CNTNAP2: variants seen among roughly 807,000 people sequenced by gnomAD.
The protein encoded by CNTNAP2 is contactin associated protein 2, also known as contactin-associated protein-like 2.
CNTNAP2 carries 98 observed loss-of-function variants against 155.2 expected under a neutral mutation model. The observed-to-expected ratio is 0.63, with a 90% confidence interval of 0.54 to 0.75. The LOEUF (loss-of-function observed/expected upper bound fraction) is 0.75, where lower values mean the gene tolerates loss of function less well. Ranked by LOEUF, CNTNAP2 falls within the 30% of genes least tolerant of loss-of-function variation. The probability of loss-of-function intolerance (pLI) is 0.00; values close to 1 mark genes in which losing one functional copy is unlikely to be tolerated. For missense variants in CNTNAP2, 1,727 were observed against 1,688.1 expected (o/e 1.02, Z -0.40); for synonymous variants, 651 against 631.2 (o/e 1.03, Z -0.47).
intron 1 of CNTNAP2, among the ~76,000 whole-genome samples, chr7:146,608,806 T>A (rs1799088178): frequency 6.6e-6 from 1 of 152,172 alleles, no homozygotes; most frequent in African/African-American, 2.4e-5. Context: ...GGGGATGATC[T>A]CCCTTTTTTC....
At chr7:146,754,443 CAT>C (rs967833570) in intron 1 of CNTNAP2, among the ~76,000 whole-genome samples, 3 of 151,972 alleles carry the variant, frequency 2.0e-5, no homozygotes, top group African/African-American at 7.2e-5. Flanking sequence ...AGAACAAAAA[CAT>C]GTGTCAGCTG....
chr7:147,708,866 A>G (rs1796358323), intron 13 of CNTNAP2, among the ~76,000 whole-genome samples: 1 of 152,176 alleles, frequency 6.6e-6, no homozygotes, highest in African/African-American at 2.4e-5. Context: ...TTCTCTGTGT[A>G]AGAGACACGT....
chr7:147,755,503 A>C (rs1251077111), intron 13 of CNTNAP2, among the ~76,000 whole-genome samples: 1 of 152,120 alleles, frequency 6.6e-6, no homozygotes. Context: ...AAATACAAAA[A>C]TTAGCCAGGC....
intron 15 of CNTNAP2, among the ~76,000 whole-genome samples, chr7:147,999,657 A>G (rs544424249): frequency 1.1e-4 from 17 of 152,292 alleles, no homozygotes; most frequent in African/African-American, 4.1e-4. Flanking sequence ...GATATAATCA[A>G]GTCAAGATGA....
In CNTNAP2 at chr7:147,890,296, T is replaced by A. The variant is rs188801171; in HGVS notation, c.2099-13269T>A. Among the ~76,000 whole-genome samples, 333 of 152,304 alleles carry A rather than the reference T, an allele frequency of 2.2e-3. 1 individual carries two copies. The highest frequency in any genetic ancestry group is 7.6e-3 in the African/African-American group (318 of 41,570). ...TATTTTGATAGAATTTATAGTCTTA[T>A]GTGTATAGTAAAAGCTTAGAAAGGC... is the stretch of plus-strand genomic sequence containing the variant. On this transcript the variant is annotated intron_variant, in intron 13 of 23. Coordinates refer to ENST00000361727, the MANE Select transcript of CNTNAP2 (RefSeq NM_014141.6).
At chr7:146,486,044 G>GTT (rs1797050994) in intron 1 of CNTNAP2, among the ~76,000 whole-genome samples, 2 of 91,722 alleles carry the variant, frequency 2.2e-5, no homozygotes, top group Admixed American at 2.9e-4. Context: ...ACCCACAGCA[G>GTT]TCTTTTTTTT....
At chr7:147,600,518 ATAT>A (rs1800923352) in intron 12 of CNTNAP2, among the ~76,000 whole-genome samples, 1 of 152,208 alleles carries the variant, frequency 6.6e-6, no homozygotes, top group Non-Finnish European at 1.5e-5. Context: ...GTATTGTGAA[ATAT>A]TATTCTTCCT....
In CNTNAP2 at chr7:147,182,544, A is replaced by T. The variant is rs189474886; in HGVS notation, c.1348+50035A>T. On this transcript the variant is annotated intron_variant, in intron 8 of 23. Coordinates refer to ENST00000361727, the MANE Select transcript of CNTNAP2 (RefSeq NM_014141.6). ...ATTTGATTTGCAGTCCTTTCCAAAT[A>T]TTTAAATTTCCATATTTACTCTCTA... Among the ~76,000 whole-genome samples, 517 of 152,196 alleles carry T rather than the reference A, an allele frequency of 3.4e-3. 3 individuals carry two copies. Among genetic ancestry groups the T allele is most frequent in the Non-Finnish European group, 4.3e-3 (292 of 67,980 alleles).
At chr7:146,276,057 G>A (rs1800158417) in intron 1 of CNTNAP2, among the ~76,000 whole-genome samples, 1 of 152,178 alleles carries the variant, frequency 6.6e-6, no homozygotes, top group Non-Finnish European at 1.5e-5. Context: ...CACCAGAGGA[G>A]ATGAATGCAA....
At chr7:148,286,830 G>T (rs1378850123) in intron 21 of CNTNAP2, among the ~76,000 whole-genome samples, 1 of 152,172 alleles carries the variant, frequency 6.6e-6, no homozygotes, top group Non-Finnish European at 1.5e-5. Flanking sequence ...GGAGCAAAAA[G>T]TACAGAGAGT....
At chr7:147,699,544 A>T (rs1446067617) in intron 13 of CNTNAP2, among the ~76,000 whole-genome samples, 1 of 152,100 alleles carries the variant, frequency 6.6e-6, no homozygotes, top group Non-Finnish European at 1.5e-5. Context: ...GCATGTGTAT[A>T]CCTATGTAAC....
chr7:146,819,064 T>C (rs116615882), intron 2 of CNTNAP2, among the ~76,000 whole-genome samples: 6,684 of 152,194 alleles, frequency 0.044, 487 homozygotes, highest in African/African-American at 0.15. Context: ...ATATTCTGCT[T>C]TTTAAAAATA....
At chr7:147,294,819 C>T (rs900286873) in intron 8 of CNTNAP2, among the ~76,000 whole-genome samples, 21 of 151,928 alleles carry the variant, frequency 1.4e-4, no homozygotes, top group African/African-American at 3.9e-4. Flanking sequence ...CCACCACACC[C>T]GGCTAATTTT....
At chr7:147,212,599 G>A (rs1803173367) in intron 8 of CNTNAP2, among the ~76,000 whole-genome samples, 1 of 152,110 alleles carries the variant, frequency 6.6e-6, no homozygotes, top group South Asian at 2.1e-4. Context: ...AAGAGGTAGG[G>A]ATGTGGAGAA....
intron 5 of CNTNAP2, among the ~76,000 whole-genome samples, chr7:147,116,235 C>A (rs1800987027): frequency 6.6e-6 from 1 of 152,146 alleles, no homozygotes; most frequent in South Asian, 2.1e-4. Context: ...TATTGCTGGC[C>A]CAAGTGTGCC....
At chr7:146,816,236 A>G (rs1377515234) in intron 2 of CNTNAP2, among the ~76,000 whole-genome samples, 1 of 152,064 alleles carries the variant, frequency 6.6e-6, no homozygotes, top group African/African-American at 2.4e-5. Flanking sequence ...AGATTCAGAG[A>G]AGTTATAGCA....
At chr7:148,028,730 G>T (rs529015599) in intron 15 of CNTNAP2, among the ~76,000 whole-genome samples, 1 of 152,132 alleles carries the variant, frequency 6.6e-6, no homozygotes, top group Non-Finnish European at 1.5e-5. Context: ...CACAACCCAG[G>T]TTCACATGGG....
chr7:148,309,740 G>C (rs199578565), intron 21 of CNTNAP2, among the ~76,000 whole-genome samples: 6 of 152,144 alleles, frequency 3.9e-5, no homozygotes, highest in Non-Finnish European at 7.4e-5. Flanking sequence ...GGAATGTCAT[G>C]AGTTAAGGCA....
chr7:146,248,918 T>C lies in CNTNAP2; in HGVS notation c.97+131945T>C, dbSNP rs573135967. 2.4e-3 allele frequency among the ~76,000 whole-genome samples: 361 copies of C among 151,640 alleles called. 2 individuals carry two copies. The highest frequency in any genetic ancestry group is 0.012 in the Admixed American group (176 of 15,224). On this transcript the variant is annotated intron_variant, in intron 1 of 23. Coordinates refer to ENST00000361727, the MANE Select transcript of CNTNAP2 (RefSeq NM_014141.6). ...AGGCTGAGTCCGAAAAGAGAGTCAG[T>C]GAAGGGAGAAAGGGGTGGGGCCGTT...
Sources: allele counts gnomAD v4.1 joint callset (sites outside exome capture counted in the v4.1 genomes callset), GRCh38; gene constraint gnomAD v4.1.1; transcripts MANE v1.5; gene names NCBI Gene and HGNC (gene_info 2026-07-23, HGNC 2026-07-21).